XNDC1N: variants seen among roughly 807,000 people sequenced by gnomAD.
XNDC1N encodes the protein protein XNDC1N.
At chr11:71,884,834 C>G in the XNDC1N span, among the ~76,000 whole-genome samples, 1 of 152,068 alleles carries the variant, frequency 6.6e-6, no homozygotes, top group Admixed American at 6.5e-5. Flanking sequence ...CTTTTGCCCC[C>G]CTGGCTCTTA....
chr11:71,872,102 A>G, the XNDC1N span, among the ~76,000 whole-genome samples: 1 of 152,230 alleles, frequency 6.6e-6, no homozygotes, highest in African/African-American at 2.4e-5. Context: ...AACAAATACT[A>G]ATAGATGATA....
the XNDC1N span, among the ~76,000 whole-genome samples, chr11:71,890,831 T>C: frequency 0.027 from 4,164 of 152,020 alleles, 3 homozygotes; most frequent in East Asian, 0.077. Flanking sequence ...CAGGAAGGGA[T>C]GTACAGACCC....
chr11:71,928,382 G>GA, the XNDC1N span: 1 of 682,090 alleles, frequency 1.5e-6, no homozygotes, highest in Non-Finnish European at 2.7e-6. Flanking sequence ...CGTGGACCTC[G>GA]AGGAGCCACC....
At chr11:71,901,526 C>G in the XNDC1N span, among the ~76,000 whole-genome samples, 16 of 152,070 alleles carry the variant, frequency 1.1e-4, no homozygotes, top group African/African-American at 3.6e-4. Flanking sequence ...TTGAACCTGG[C>G]ATGCAGAGGT....
At chr11:71,872,682 C>G in the XNDC1N span, among the ~76,000 whole-genome samples, 5 of 151,996 alleles carry the variant, frequency 3.3e-5, no homozygotes, top group African/African-American at 1.2e-4. Context: ...GAGTCGAGAT[C>G]GCGCCACTGC....
At chr11:71,897,401 C>T in the XNDC1N span, among the ~76,000 whole-genome samples, 11 of 152,156 alleles carry the variant, frequency 7.2e-5, no homozygotes, top group Non-Finnish European at 1.6e-4. Flanking sequence ...CAAAGCATCC[C>T]ATCAACAATG....
At chr11:71,901,576 G>A in the XNDC1N span, among the ~76,000 whole-genome samples, 1 of 152,108 alleles carries the variant, frequency 6.6e-6, no homozygotes, top group South Asian at 2.1e-4. Context: ...TCCAGCCTGG[G>A]CAACAGAACG....
chr11:71,919,605 GTTT>G, the XNDC1N span, among the ~76,000 whole-genome samples: 3 of 10,904 alleles, frequency 2.8e-4, no homozygotes, highest in African/African-American at 3.5e-4. Flanking sequence ...GGCCAGGTTG[GTTT>G]TTTTTTTTGT....
the XNDC1N span, chr11:71,903,433 T>C: frequency 1.0e-5 from 11 of 1,066,976 alleles, no homozygotes; most frequent in East Asian, 2.4e-5. Flanking sequence ...CCCAAGATGA[T>C]TGTGGACATC....
At chr11:71,882,788 T>TG in the XNDC1N span, among the ~76,000 whole-genome samples, 1 of 152,144 alleles carries the variant, frequency 6.6e-6, no homozygotes, top group African/African-American at 2.4e-5. Flanking sequence ...TCCAAACTGT[T>TG]GGGGGGTGGG....
chr11:71,899,944 T>C, the XNDC1N span, among the ~76,000 whole-genome samples: 1 of 152,190 alleles, frequency 6.6e-6, no homozygotes, highest in African/African-American at 2.4e-5. Flanking sequence ...AATTCTGAGA[T>C]GGGGGAAAAA....
At chr11:71,902,487 G>A in the XNDC1N span, among the ~76,000 whole-genome samples, 5 of 152,150 alleles carry the variant, frequency 3.3e-5, no homozygotes, top group Admixed American at 6.6e-5. Flanking sequence ...CACCGCGTCC[G>A]GCCAAACTTT....
At chr11:71,907,150 C>T in the XNDC1N span, among the ~76,000 whole-genome samples, 18 of 152,170 alleles carry the variant, frequency 1.2e-4, no homozygotes, top group African/African-American at 4.1e-4. Context: ...TCAGGATTCA[C>T]GTTTCACCAC....
the XNDC1N span, among the ~76,000 whole-genome samples, chr11:71,899,741 T>C: frequency 6.6e-6 from 1 of 152,184 alleles, no homozygotes; most frequent in Admixed American, 6.5e-5. Flanking sequence ...CCCCATGTGA[T>C]AGTCTGAAAA....
At chr11:71,890,035 G>C in the XNDC1N span, among the ~76,000 whole-genome samples, 2 of 152,174 alleles carry the variant, frequency 1.3e-5, no homozygotes, top group Non-Finnish European at 2.9e-5. Flanking sequence ...GAAACTGCAT[G>C]CAGCCTCCCG....
the XNDC1N span, among the ~76,000 whole-genome samples, chr11:71,901,904 A>G: frequency 6.6e-6 from 1 of 152,064 alleles, no homozygotes; most frequent in Non-Finnish European, 1.5e-5. Context: ...ATATTCCTTA[A>G]GATTTTCAGC....
chr11:71,878,837 A>C, the XNDC1N span, among the ~76,000 whole-genome samples: 6 of 151,958 alleles, frequency 3.9e-5, no homozygotes, highest in Non-Finnish European at 8.8e-5. Context: ...CAAAAAAAAA[A>C]AAAATACAAA....
chr11:71,873,011 GT>G, the XNDC1N span, among the ~76,000 whole-genome samples: 1 of 151,876 alleles, frequency 6.6e-6, no homozygotes, highest in East Asian at 1.9e-4. Context: ...TTCTCATGAT[GT>G]TTTCCTAAGA....
At chr11:71,911,879 C>A in the XNDC1N span, among the ~76,000 whole-genome samples, 2,239 of 152,266 alleles carry the variant, frequency 0.015, 40 homozygotes, top group African/African-American at 0.051. Context: ...CCCTTCTGGG[C>A]ATCAGTGCTC....
Sources: allele counts gnomAD v4.1 joint callset (sites outside exome capture counted in the v4.1 genomes callset), GRCh38; gene constraint gnomAD v4.1.1; transcripts MANE v1.5; gene names NCBI Gene and HGNC (gene_info 2026-07-23, HGNC 2026-07-21).